Variants in EPN1 observed in about 807,000 individuals in gnomAD.
EPN1 encodes the protein epsin 1, also known as epsin-1.
Under a neutral mutation model 56.9 loss-of-function variants are expected in EPN1, and 25 were observed. The ratio of observed to expected loss-of-function variants is 0.44; its 90% confidence interval spans 0.32 to 0.61. The LOEUF is 0.61. EPN1 is among the 20% of genes least tolerant of loss of function. EPN1 has a pLI of 0.05. For synonymous variants in EPN1, 411 were observed against 361.8 expected (o/e 1.14, Z -1.54); for missense variants, 785 against 823.7 (o/e 0.95, Z 0.58).
rs1986946371 is a variant in EPN1, at chr19:55,697,249, C to T, written c.*1893C>T. The stretch of plus-strand genomic sequence containing the variant: ...TGTGATGGGGGAGCCCCACAGGGCA[C>T]AGAGAGCCAGCTGAAGGCGGCAGCT... On this transcript the variant is annotated 3_prime_UTR_variant, in exon 11 of 11. Transcript: ENST00000270460. The T allele has an allele frequency of 6.6e-6, 1 of 152,124 alleles. No individual in the cohort carries two copies. Among genetic ancestry groups the T allele is most frequent in the African/African-American group, 2.4e-5 (1 of 41,400 alleles). 9.4% of individuals were successfully genotyped at this position (152,124 alleles called of 1,614,324 possible).
chr19:55,682,623 G>C (rs892212566), intron 2 of EPN1, among the ~76,000 whole-genome samples: 4 of 151,684 alleles, frequency 2.6e-5, no homozygotes, highest in Non-Finnish European at 5.9e-5. Flanking sequence ...TTTAGAGCTG[G>C]GGTTTTGCCA....
rs1986667919 is a variant in EPN1 at position 55,692,941 on chromosome 19, G to A, written c.1178-10G>A. On this transcript the variant is annotated splice_polypyrimidine_tract_variant and intron_variant, in intron 8 of 10. Transcript: ENST00000270460. ...AGGGAGGGGCTGAGCAGAACATCCTGACCCCACAGCAGCCGGGGGATTCGA... is the reference window on the plus strand; with the variant it reads ...AGGGAGGGGCTGAGCAGAACATCCTAACCCCACAGCAGCCGGGGGATTCGA... 6.2e-7 allele frequency: 1 copy of A among 1,613,230 alleles called. No homozygotes were observed. Among genetic ancestry groups the A allele is most frequent in the East Asian group, 2.2e-5 (1 of 44,860 alleles).
chr19:55,691,848 T>G lies in EPN1; in HGVS notation c.857T>G (p.Val286Gly). ...GGCCCAGCACCCATGGCTGCTGCCG[T>G]CCCCACGGCTGCCCCCACCTCGGAC... ...WGGPAPMAAA[V>G]PTAAPTSDPW... The change falls in exon 7 of 11, where the codon GTC (valine) becomes GGC (glycine). Residue 286 changes from valine to glycine, a missense_variant. This residue lies in a region of EPN1 where 650 missense variants were observed against 605.0 expected (regional missense o/e 1.07). Transcript: ENST00000270460. The surrounding 1 kb of genome is among the most constrained non-coding windows in gnomAD (Gnocchi z 5.6). 6.2e-7 allele frequency: 1 copy of G among 1,605,702 alleles called. No homozygotes were observed. The highest frequency in any genetic ancestry group is 2.2e-5 in the East Asian group (1 of 44,698).
At chr19:55,675,785 G>A (rs1230817996) in intron 1 of EPN1, among the ~76,000 whole-genome samples, 1 of 152,156 alleles carries the variant, frequency 6.6e-6, no homozygotes, top group Non-Finnish European at 1.5e-5. Flanking sequence ...GTCTCGTTGA[G>A]TTTCCGAGTC....
rs1987095811 is a variant in EPN1, at chr19:55,700,578, G to GT, written c.*5222_*5223insT. 8.4e-5 allele frequency: 12 copies of GT among 143,194 alleles called. No individual in the cohort carries two copies. The highest frequency in any genetic ancestry group is 3.0e-4 in the African/African-American group (10 of 32,920). 8.9% of individuals were successfully genotyped at this position (143,194 alleles called of 1,614,324 possible). A position where few individuals can be genotyped will look rare whatever the true frequency, so the allele number is the denominator to read the frequency against. On this transcript the variant is annotated 3_prime_UTR_variant, in exon 11 of 11. Transcript: ENST00000270460. ...CCCGGCCCATAATTACAAACTTTCT[G>GT]AGGGACATCTTGAAGCACACAAAAC...
In EPN1 at chr19:55,689,299, C is replaced by T; in HGVS notation, c.606C>T (p.Pro202=). Residue 202 remains proline, a splice_region_variant and synonymous_variant, in exon 5 of 11, where the codon CCC becomes CCT. Coordinates refer to ENST00000270460, the MANE Select transcript of EPN1 (RefSeq NM_001130072.2). The surrounding 1 kb of genome is among the most constrained non-coding windows in gnomAD (Gnocchi z 5.7). Reference sequence around the variant, plus strand: ...CCCTCACACTCTCTCTCCCCCAGCCCCCGTCCTGCGGCCCCGAGGACGACG... The same window carrying T: ...CCCTCACACTCTCTCTCCCCCAGCCTCCGTCCTGCGGCCCCGAGGACGACG... ...LAMSKEEADQ[P]PSCGPEDDAQ... is the part of the protein sequence containing the mutation. 6.5e-7 allele frequency: 1 copy of T among 1,549,536 alleles called. No homozygotes were observed. The highest frequency in any genetic ancestry group is 1.4e-5 in the African/African-American group (1 of 72,902).
intron 6 of EPN1, among the ~76,000 whole-genome samples, chr19:55,690,371 G>A (rs770340904): frequency 1.1e-4 from 17 of 152,268 alleles, no homozygotes; most frequent in Non-Finnish European, 2.2e-4. Flanking sequence ...GTTGGTGAGC[G>A]AGGAGGCATG....
At chr19:55,677,061 G>A in intron 1 of EPN1, 1 of 1,513,336 alleles carries the variant, frequency 6.6e-7, no homozygotes, top group Non-Finnish European at 8.9e-7. Context: ...TGGCTTTCTG[G>A]CCTGAGGTGG....
In EPN1 at chr19:55,685,551, G is replaced by A. The variant is rs1170954409; in HGVS notation, c.384G>A (p.Lys128=). The A allele has an allele frequency of 2.5e-6, 4 of 1,611,776 alleles. No homozygotes were observed. Among genetic ancestry groups the A allele is most frequent in the Non-Finnish European group, 3.4e-6 (4 of 1,179,054 alleles). Residue 128 remains lysine, a synonymous_variant, in exon 3 of 11, where the codon AAG becomes AAA. Coordinates refer to ENST00000270460, the MANE Select transcript of EPN1 (RefSeq NM_001130072.2). ...GCGTGAACGTGCGTGAGAAAGCTAA[G>A]CAGCTGGTGGCCCTGCTGCGCGACG... ...DQGVNVREKA[K]QLVALLRDED... is the part of the protein sequence containing the mutation.
In EPN1 at chr19:55,705,456, T is replaced by G. The variant is rs1987345236; in HGVS notation, c.*10100T>G. 1 of 152,168 alleles carries G rather than the reference T, an allele frequency of 6.6e-6. No homozygotes were observed. 9.4% of individuals were successfully genotyped at this position (152,168 alleles called of 1,614,324 possible). On this transcript the variant is annotated 3_prime_UTR_variant, in exon 11 of 11. Transcript: ENST00000270460. ...TGAGGTCAGGAGTTCGAGACCAGCCTGGCCAACATGACAAAATCACCATCT... is the reference window on the plus strand; with the variant it reads ...TGAGGTCAGGAGTTCGAGACCAGCCGGGCCAACATGACAAAATCACCATCT...
intron 2 of EPN1, among the ~76,000 whole-genome samples, chr19:55,681,862 C>T (rs1985840875): frequency 6.6e-6 from 1 of 151,842 alleles, no homozygotes; most frequent in African/African-American, 2.4e-5. Flanking sequence ...GGCTGGAATC[C>T]AGCAGTACAG....
chr19:55,708,743 T>G lies in EPN1; in HGVS notation c.*13387T>G, dbSNP rs1277428330. 1 of 499,142 alleles carries G rather than the reference T, an allele frequency of 2.0e-6. No homozygotes were observed. The highest frequency in any genetic ancestry group is 3.6e-6 in the Non-Finnish European group (1 of 281,212). The allele number at this position is 499,142 out of a possible 1,614,324, so 30.9% of individuals were successfully genotyped here. On this transcript the variant is annotated 3_prime_UTR_variant, in exon 11 of 11. Coordinates refer to ENST00000270460, the MANE Select transcript of EPN1 (RefSeq NM_001130072.2). ...AGGACCGAGGCAAAGACAATCAGCA[T>G]GTACACTGAATCACACTCCATAATC...
Position 55,689,404 on chromosome 19 carries a change from A to C in EPN1, c.678+33A>C. On this transcript the variant is annotated intron_variant, in intron 5 of 10. Coordinates refer to ENST00000270460, the MANE Select transcript of EPN1 (RefSeq NM_001130072.2). This position sits in a 1 kb window ranked among gnomAD's most constrained non-coding sequence, Gnocchi z 5.7. The stretch of plus-strand genomic sequence containing the variant: ...CAGCCTCCCTGTCCCTGCCCCTGCC[A>C]GGGGCTCCCCTCAGACCAGCCCCGT... 6.6e-7 allele frequency: 1 copy of C among 1,525,344 alleles called. No individual in the cohort carries two copies. Among genetic ancestry groups the C allele is most frequent in the Non-Finnish European group, 8.9e-7 (1 of 1,123,430 alleles). The allele number at this position is 1,525,344 out of a possible 1,614,324, so 94.5% of individuals were successfully genotyped here. A position where few individuals can be genotyped will look rare whatever the true frequency, so the allele number is the denominator to read the frequency against.
Position 55,678,743 on chromosome 19 carries a change from T to A in EPN1, c.116T>A (p.Leu39His). The A allele has an allele frequency of 6.2e-7, 1 of 1,614,114 alleles. No homozygotes were observed. The highest frequency in any genetic ancestry group is 8.5e-7 in the Non-Finnish European group (1 of 1,180,020). ...GACCCCTGGGGCCCATCCAGCTCCC[T>A]CATGTCAGAGATTGCCGACCTCACC... ...SNDPWGPSSS[L>H]MSEIADLTYN... is the part of the protein sequence containing the mutation. The change falls in exon 2 of 11, where the codon CTC (leucine) becomes CAC (histidine). Residue 39 changes from leucine to histidine, a missense_variant. Around this residue, in one of 2 missense-constraint regions of EPN1, gnomAD observed 135 missense variants for 218.7 expected, o/e 0.62. Coordinates refer to ENST00000270460, the MANE Select transcript of EPN1 (RefSeq NM_001130072.2).
Position 55,695,651 on chromosome 19 carries a change from C to T in EPN1, c.*295C>T, listed in dbSNP as rs565404110. Reference sequence around the variant, plus strand: ...CCCCTCCCTCCAAACTCCCAACCCCCAGTCAGTGTTTGAGCCTCCTCGTTC... The same window carrying T: ...CCCCTCCCTCCAAACTCCCAACCCCTAGTCAGTGTTTGAGCCTCCTCGTTC... On this transcript the variant is annotated 3_prime_UTR_variant, in exon 11 of 11. Transcript: ENST00000270460. The surrounding 1 kb of genome is among the most constrained non-coding windows in gnomAD (Gnocchi z 4.4). 1.1e-5 allele frequency: 5 copies of T among 448,664 alleles called. No homozygotes were observed. The highest frequency in any genetic ancestry group is 2.0e-5 in the Non-Finnish European group (5 of 250,394). The allele number at this position is 448,664 out of a possible 1,614,324, so 27.8% of individuals were successfully genotyped here.
chr19:55,706,299 T>TTTTTTTTTTTTTTTTTAA lies in EPN1; in HGVS notation c.*10943_*10944insTTTTTTTTTTTTTTTTAA, dbSNP rs1324277673. 1 of 154,808 alleles carries TTTTTTTTTTTTTTTTTAA rather than the reference T, an allele frequency of 6.5e-6. No homozygotes were observed. The highest frequency in any genetic ancestry group is 2.5e-5 in the African/African-American group (1 of 39,260). The allele number at this position is 154,808 out of a possible 1,614,324, so 9.6% of individuals were successfully genotyped here. ...TTTCTTCTTCTTTTTTTTTTTTTTT[T>TTTTTTTTTTTTTTTTTAA]AAAAGACCGTGTTTCGCTCTGTCAC... On this transcript the variant is annotated 3_prime_UTR_variant, in exon 11 of 11. Coordinates refer to ENST00000270460, the MANE Select transcript of EPN1 (RefSeq NM_001130072.2).
rs575238781 is a variant in EPN1, at chr19:55,697,310, A to T, written c.*1954A>T. 3 of 152,244 alleles carry T rather than the reference A, an allele frequency of 2.0e-5. No individual in the cohort carries two copies. Among genetic ancestry groups the T allele is most frequent in the African/African-American group, 7.2e-5 (3 of 41,544 alleles). 9.4% of individuals were successfully genotyped at this position (152,244 alleles called of 1,614,324 possible). On this transcript the variant is annotated 3_prime_UTR_variant, in exon 11 of 11. Coordinates refer to ENST00000270460, the MANE Select transcript of EPN1 (RefSeq NM_001130072.2). ...TCACATGGAAAGGGGAGGCGAGCCG[A>T]GCCTCCCTCTTGCCAATCTTGGTCT...
Position 55,691,062 on chromosome 19 carries a change from C to T in EPN1, c.763-692C>T, listed in dbSNP as rs1308452307. ...GTGTGCATGAGTATGTTGGGGGCAT[C>T]TGCACGTTCTGAGACGGGCTCTGGT... On this transcript the variant is annotated intron_variant, in intron 6 of 10. Transcript: ENST00000270460. This position sits in a 1 kb window ranked among gnomAD's most constrained non-coding sequence, Gnocchi z 5.6. Among the ~76,000 whole-genome samples, 1 of 152,190 alleles carries T rather than the reference C, an allele frequency of 6.6e-6. No individual in the cohort carries two copies. The highest frequency in any genetic ancestry group is 1.5e-5 in the Non-Finnish European group (1 of 68,034).
rs772912989 is a variant in EPN1 at position 55,685,372 on chromosome 19, G to A, written c.229-24G>A. The A allele has an allele frequency of 5.4e-5, 87 of 1,602,890 alleles. 1 individual carries two copies. Among genetic ancestry groups the A allele is most frequent in the Non-Finnish European group, 6.6e-5 (78 of 1,175,382 alleles). On this transcript the variant is annotated intron_variant, in intron 2 of 10. Transcript: ENST00000270460. Reference sequence around the variant, plus strand: ...CCGCCTTGTGCCCGGCGTGCTGACCGGGCATCCCCGTGCCCGCTCGCAGGC... The same window carrying A: ...CCGCCTTGTGCCCGGCGTGCTGACCAGGCATCCCCGTGCCCGCTCGCAGGC...
Sources: gnomAD v4.1 joint callset for allele counts (sites outside exome capture counted in the v4.1 genomes callset) on GRCh38, gnomAD v4.1.1 for gene constraint, gnomAD v4.1.1 regional missense constraint, Gnocchi (gnomAD v3.1) non-coding constraint, MANE v1.5 for transcripts, NCBI Gene and HGNC (gene_info 2026-07-23, HGNC 2026-07-21) for gene names.